ZNF503: variants seen among roughly 807,000 people sequenced by gnomAD.
The protein encoded by ZNF503 is zinc finger protein 503, also known as NocA-like zinc finger 2.
ZNF503 carries 15 observed loss-of-function variants against 34.4 expected under a neutral mutation model. The observed-to-expected ratio is 0.44, with a 90% confidence interval of 0.29 to 0.67. The LOEUF (loss-of-function observed/expected upper bound fraction) is 0.67. Among genes scored for constraint, ZNF503 ranks in the 30% least tolerant of loss-of-function variants. ZNF503 has a pLI of 0.13. For synonymous variants in ZNF503, 580 were observed against 456.8 expected, an observed-to-expected ratio of 1.27 and a Z score of -3.44; for missense variants, 1,007 against 926.8, an observed-to-expected ratio of 1.09 and a Z score of -1.12.
chr10:75,333,624 C>T, the ZNF503 span, among the ~76,000 whole-genome samples: 2 of 71,520 alleles, frequency 2.8e-5, no homozygotes, highest in African/African-American at 1.4e-4. Context: ...CACGGCTGGC[C>T]AGGCGGGGGG....
the ZNF503 span, among the ~76,000 whole-genome samples, chr10:75,282,724 T>TAG: frequency 1.3e-5 from 2 of 152,190 alleles, no homozygotes; most frequent in South Asian, 4.1e-4. Flanking sequence ...CCATGAATCC[T>TAG]AGTTTGGGCT....
chr10:75,333,545 GC>G, the ZNF503 span, among the ~76,000 whole-genome samples: 1 of 59,354 alleles, frequency 1.7e-5, no homozygotes, highest in Non-Finnish European at 3.2e-5. Context: ...GGGCAGAGGC[GC>G]CCCTCACCTC....
At chr10:75,366,387 G>C in the ZNF503 span, among the ~76,000 whole-genome samples, 5 of 152,184 alleles carry the variant, frequency 3.3e-5, no homozygotes, top group Non-Finnish European at 7.4e-5. Flanking sequence ...GCTCATAATA[G>C]CCTGGCTAGA....
At chr10:75,387,504 C>A in the ZNF503 span, among the ~76,000 whole-genome samples, 1 of 152,180 alleles carries the variant, frequency 6.6e-6, no homozygotes, top group African/African-American at 2.4e-5. Flanking sequence ...GTATTTGGCA[C>A]AAATAAAGTG....
At chr10:75,361,577 A>G in the ZNF503 span, 4 of 152,208 alleles carry the variant, frequency 2.6e-5, no homozygotes, top group East Asian at 7.7e-4. Context: ...GATAGTGTTC[A>G]TTTCTTTTTT....
chr10:75,392,590 C>T, the ZNF503 span, among the ~76,000 whole-genome samples: 3 of 152,106 alleles, frequency 2.0e-5, no homozygotes, highest in Non-Finnish European at 4.4e-5. Flanking sequence ...GGGGGGCTAG[C>T]TGGCTGGCAG....
At chr10:75,318,467 G>T in the ZNF503 span, among the ~76,000 whole-genome samples, 1 of 151,810 alleles carries the variant, frequency 6.6e-6, no homozygotes, top group Non-Finnish European at 1.5e-5. Context: ...CCAAGAATTT[G>T]ATGCCAGCCT....
the ZNF503 span, among the ~76,000 whole-genome samples, chr10:75,332,383 C>G: frequency 6.6e-6 from 1 of 151,452 alleles, no homozygotes; most frequent in South Asian, 2.1e-4. Context: ...CTTTCTAATT[C>G]TCTCTTCAGC....
chr10:75,381,519 G>GGC, the ZNF503 span, among the ~76,000 whole-genome samples: 2 of 152,234 alleles, frequency 1.3e-5, no homozygotes, highest in South Asian at 4.1e-4. Flanking sequence ...CACTGTGTGT[G>GGC]GCCTGGGATG....
the ZNF503 span, chr10:75,283,850 C>T: frequency 2.0e-5 from 3 of 152,294 alleles, no homozygotes; most frequent in Middle Eastern, 3.4e-3. Flanking sequence ...TTATGGACAC[C>T]GAGTGAACTC....
the ZNF503 span, among the ~76,000 whole-genome samples, chr10:75,280,989 G>C: frequency 6.6e-6 from 1 of 152,184 alleles, no homozygotes; most frequent in Non-Finnish European, 1.5e-5. Flanking sequence ...GAGCAAGGCA[G>C]GTAAGCAGAG....
At chr10:75,329,000 G>C in the ZNF503 span, among the ~76,000 whole-genome samples, 2 of 152,116 alleles carry the variant, frequency 1.3e-5, no homozygotes, top group African/African-American at 4.8e-5. Flanking sequence ...ACCTGCCTCA[G>C]CCTCCCAAAG....
chr10:75,306,786 C>T, the ZNF503 span, among the ~76,000 whole-genome samples: 3 of 152,000 alleles, frequency 2.0e-5, no homozygotes, highest in South Asian at 2.1e-4. Context: ...TCTGTTATGG[C>T]GATCTGTGAT....
At position 75,401,701 on chromosome 10, in the gene ZNF503, C is replaced by T. The variant is rs1404245401; in HGVS notation, c.-282G>A. On this transcript the variant is annotated 5_prime_UTR_variant, in exon 1 of 2. Transcript: ENST00000372524. ...TCGGGCTGCTCCCCTGCGCTGCGTT[C>T]TCGCGGCCCCGCGCCGGCGCTGCGC... 3 of 421,418 alleles carry T rather than the reference C, an allele frequency of 7.1e-6. No individual in the cohort carries two copies. The highest frequency in any genetic ancestry group is 4.3e-5 in the African/African-American group (2 of 46,868). 26.1% of individuals were successfully genotyped at this position (421,418 alleles called of 1,614,324 possible).
the ZNF503 span, among the ~76,000 whole-genome samples, chr10:75,368,130 C>T: frequency 6.6e-5 from 10 of 152,172 alleles, no homozygotes; most frequent in Admixed American, 2.0e-4. Context: ...CAAATCATTC[C>T]TCTTAGGCTA....
chr10:75,338,027 A>G, the ZNF503 span, among the ~76,000 whole-genome samples: 1 of 152,242 alleles, frequency 6.6e-6, no homozygotes, highest in Admixed American at 6.5e-5. Flanking sequence ...TCTTAAGAAA[A>G]TAGCTACTTA....
the ZNF503 span, among the ~76,000 whole-genome samples, chr10:75,389,253 C>T: frequency 1.1e-4 from 17 of 152,190 alleles, no homozygotes; most frequent in African/African-American, 7.2e-5. Flanking sequence ...AACGGGACAA[C>T]CAAAAGGCTC....
In ZNF503 at chr10:75,399,788, C is replaced by T. The variant is rs760226690; in HGVS notation, c.902G>A (p.Gly301Asp). The change falls in exon 2 of 2, where the codon GGC becomes GAC. Residue 301 changes from glycine (G) to aspartate (D), a missense_variant. Transcript: ENST00000372524. ...NVDVNQHPDG[G>D]PGGKALGSDC... is the part of the protein sequence containing the mutation. ...CGAGCCCAGAGCCTTGCCTCCCGGGCCCCCATCCGGATGCTGGTTCACATC... is the reference window on the plus strand; with the variant it reads ...CGAGCCCAGAGCCTTGCCTCCCGGGTCCCCATCCGGATGCTGGTTCACATC... 3.8e-6 allele frequency: 6 copies of T among 1,596,178 alleles called. No individual in the cohort carries two copies. The highest frequency in any genetic ancestry group is 5.1e-6 in the Non-Finnish European group (6 of 1,174,402).
the ZNF503 span, among the ~76,000 whole-genome samples, chr10:75,322,601 A>G: frequency 6.6e-6 from 1 of 152,112 alleles, no homozygotes; most frequent in South Asian, 2.1e-4. Context: ...AGGCTGAGGT[A>G]GTAGGCTCAC....
Sources: allele counts gnomAD v4.1 joint callset (sites outside exome capture counted in the v4.1 genomes callset), GRCh38; gene constraint gnomAD v4.1.1; transcripts MANE v1.5; gene names NCBI Gene and HGNC (gene_info 2026-07-23, HGNC 2026-07-21).